The following HSPA13 variants were observed in gnomAD, a reference collection of about 807,000 sequenced individuals.
The protein encoded by HSPA13 is heat shock 70 kDa protein 13.
A neutral mutation model predicts 38.8 loss-of-function variants in HSPA13; 29 were observed. That is an observed-to-expected ratio of 0.75 (90% CI 0.56 to 1.02). HSPA13 has a LOEUF of 1.02. Ranked by LOEUF, HSPA13 falls within the 50% of genes least tolerant of loss-of-function variation. The pLI is 0.00. For synonymous variants in HSPA13, 192 were observed against 205.3 expected (o/e 0.94, Z 0.56); for missense variants, 451 against 560.9 (o/e 0.80, Z 1.98).
chr21:14,376,941 G>A (rs1984042178), intron 3 of HSPA13, among the ~76,000 whole-genome samples: 1 of 152,108 alleles, frequency 6.6e-6, no homozygotes, highest in Non-Finnish European at 1.5e-5. Flanking sequence ...CTTCATAGTG[G>A]TTACTTTCTG....
chr21:14,373,660 A>G lies in HSPA13; in HGVS notation c.1373T>C (p.Leu458Ser). 1 of 1,612,984 alleles carries G rather than the reference A, an allele frequency of 6.2e-7. No homozygotes were observed. The highest frequency in any genetic ancestry group is 8.5e-7 in the Non-Finnish European group (1 of 1,179,782). The change falls in exon 5 of 5, where the codon TTA becomes TCA. Residue 458 changes from leucine (L) to serine (S), a missense_variant. By Grantham distance (145) the Leu-to-Ser change is moderately radical. Coordinates refer to ENST00000285667, the MANE Select transcript of HSPA13 (RefSeq NM_006948.5). ...GGSWPLQVSA[L>S]EIPNKHLQKT... The stretch of plus-strand genomic sequence containing the variant: ...TTGTAAATGCTTATTGGGAATTTCT[A>G]AAGCACTGACTTGGAGAGGCCAAGA...
At chr21:14,377,415 T>C (rs1437022794) in intron 3 of HSPA13, among the ~76,000 whole-genome samples, 1 of 152,244 alleles carries the variant, frequency 6.6e-6, no homozygotes, top group Non-Finnish European at 1.5e-5. Flanking sequence ...CCATTTTCTC[T>C]TTGAGCCTTT....
chr21:14,375,491 AT>A (rs34202425), intron 4 of HSPA13, among the ~76,000 whole-genome samples, 160 bp downstream of exon 4: 16,161 of 128,404 alleles, frequency 0.13, 1,068 homozygotes, highest in Non-Finnish European at 0.15. Flanking sequence ...TTTTTCTGTA[AT>A]TTTTTTTTTT....
At chr21:14,383,049 A>C in intron 1 of HSPA13, 46 bp downstream of exon 1, 1 of 1,612,366 alleles carries the variant, frequency 6.2e-7, no homozygotes, top group South Asian at 1.1e-5. Flanking sequence ...GCATCCTCAG[A>C]TCGCCTCTAC....
intron 1 of HSPA13, 59 bp downstream of exon 1, chr21:14,383,036 C>G: frequency 1.2e-6 from 2 of 1,603,100 alleles, no homozygotes; most frequent in Non-Finnish European, 1.7e-6. Flanking sequence ...CCTGCCCACT[C>G]TGGCATCCTC....
rs147718827 is a variant in HSPA13 at position 14,375,153 on chromosome 21, A to G, written c.748+499T>C. Among the ~76,000 whole-genome samples the G allele has an allele frequency of 2.5e-3, 374 of 152,354 alleles. 2 individuals are homozygous for G. The highest frequency in any genetic ancestry group is 4.5e-3 in the Non-Finnish European group (303 of 68,018). On this transcript the variant is annotated intron_variant, in intron 4 of 4. Coordinates refer to ENST00000285667, the MANE Select transcript of HSPA13 (RefSeq NM_006948.5). ...GACTTTCTAAAGACATCTACTTTAT[A>G]AAACATATTAAATGAAATATACTGA...
Position 14,374,157 on chromosome 21 carries a change from C to T in HSPA13, c.876G>A (p.Val292=). 6.2e-7 allele frequency: 1 copy of T among 1,613,988 alleles called. No homozygotes were observed. Among genetic ancestry groups the T allele is most frequent in the East Asian group, 2.2e-5 (1 of 44,874 alleles). The change falls in exon 5 of 5, where the codon GTG becomes GTA. Residue 292 remains valine, a synonymous_variant. Transcript: ENST00000285667. ...GAGTCAGATTTAATTTGACCATTTCCACAGCTTGTCTCAATCTGTGGATTT... is the reference window on the plus strand; with the variant it reads ...GAGTCAGATTTAATTTGACCATTTCTACAGCTTGTCTCAATCTGTGGATTT... ...KEEIHRLRQA[V]EMVKLNLTLH...
chr21:14,380,204 G>C (rs1984132731), intron 2 of HSPA13, among the ~76,000 whole-genome samples: 1 of 150,646 alleles, frequency 6.6e-6, no homozygotes, highest in East Asian at 1.9e-4. Context: ...GGATGGGATA[G>C]GCTACAGTAA....
intron 1 of HSPA13, among the ~76,000 whole-genome samples, chr21:14,382,498 C>T (rs963075971): frequency 6.6e-6 from 1 of 152,046 alleles, no homozygotes; most frequent in Non-Finnish European, 1.5e-5. Context: ...CTCTGTGTTA[C>T]TAATTGTTAG....
At position 14,373,976 on chromosome 21, in the gene HSPA13, T is replaced by C; in HGVS notation, c.1057A>G (p.Lys353Glu). ...SGFGRGLSDK[K>E]SGESQVLFET... ...AATAAAACCTGACTTTCTCCACTTT[T>C]CTTATCAGAAAGGCCACGTCCAAAC... The change falls in exon 5 of 5, where the codon AAA (lysine) becomes GAA (glutamate). Residue 353 changes from lysine (K) to glutamate (E), a missense_variant. Coordinates refer to ENST00000285667, the MANE Select transcript of HSPA13 (RefSeq NM_006948.5). 1 of 1,614,184 alleles carries C rather than the reference T, an allele frequency of 6.2e-7. No individual in the cohort carries two copies. Among genetic ancestry groups the C allele is most frequent in the Non-Finnish European group, 8.5e-7 (1 of 1,180,034 alleles).
At position 14,383,084 on chromosome 21, in the gene HSPA13, C is replaced by A; in HGVS notation, c.25+11G>T. The A allele has an allele frequency of 6.2e-7, 1 of 1,614,122 alleles. No individual in the cohort carries two copies. The highest frequency in any genetic ancestry group is 8.5e-7 in the Non-Finnish European group (1 of 1,179,996). On this transcript the variant is annotated intron_variant, in intron 1 of 4. Coordinates refer to ENST00000285667, the MANE Select transcript of HSPA13 (RefSeq NM_006948.5). The stretch of plus-strand genomic sequence containing the variant: ...CGCCCGCAAGAGCAACAAGGACCCC[C>A]GGGAACCCACCTAAGATCGTCATCT...
Position 14,378,335 on chromosome 21 carries a change from G to A in HSPA13, c.444C>T (p.Gly148=). The A allele has an allele frequency of 6.2e-7, 1 of 1,613,988 alleles. No homozygotes were observed. The highest frequency in any genetic ancestry group is 1.7e-5 in the Admixed American group (1 of 60,004). ...ETITVSPEYV[G]SRLLLKLKEM... is the part of the protein sequence containing the mutation. ...CCTTTAACTTCAACAATAGTCGAGA[G>A]CCAACATATTCTGGGGACACTGTGA... Residue 148 remains glycine (G), a synonymous_variant, in exon 3 of 5, where the codon GGC becomes GGT. Transcript: ENST00000285667.
chr21:14,382,967 T>G (rs997440613), intron 1 of HSPA13, 128 bp downstream of exon 1: 1 of 1,155,268 alleles, frequency 8.7e-7, no homozygotes, highest in African/African-American at 1.5e-5. Context: ...CGTCTCTAAG[T>G]CACCTTTCTG....
chr21:14,378,960 G>A (rs1220832037), intron 2 of HSPA13, among the ~76,000 whole-genome samples: 4 of 151,852 alleles, frequency 2.6e-5, no homozygotes, highest in Non-Finnish European at 4.4e-5. Context: ...TCATCACCAC[G>A]CACATGACTA....
chr21:14,375,777 G>A lies in HSPA13; in HGVS notation c.623C>T (p.Ala208Val), dbSNP rs770865876. 33 of 1,613,862 alleles carry A rather than the reference G, an allele frequency of 2.0e-5. No individual in the cohort carries two copies. Among genetic ancestry groups the A allele is most frequent in the Non-Finnish European group, 2.7e-5 (32 of 1,179,910 alleles). ...AGCCTTGTGGAGACCATAGGCCATA[G>A]CTGCTGCTGTGGGTTCATTTATTAC... ...LRVINEPTAA[A>V]MAYGLHKADV... Residue 208 changes from alanine to valine, a missense_variant, in exon 4 of 5, where the codon GCT becomes GTT. Ala to Val is a moderately conservative substitution (Grantham distance 64). Coordinates refer to ENST00000285667, the MANE Select transcript of HSPA13 (RefSeq NM_006948.5).
intron 2 of HSPA13, 46 bp from the exon 3 acceptor site, chr21:14,378,458 G>A: frequency 7.9e-7 from 1 of 1,263,470 alleles, no homozygotes; most frequent in South Asian, 1.2e-5. Flanking sequence ...AAGAGTAAAA[G>A]CATACAGACA....
chr21:14,375,741 T>A lies in HSPA13; in HGVS notation c.659A>T (p.His220Leu). 6.2e-7 allele frequency: 1 copy of A among 1,614,108 alleles called. No individual in the cohort carries two copies. Among genetic ancestry groups the A allele is most frequent in the Non-Finnish European group, 8.5e-7 (1 of 1,179,954 alleles). The change falls in exon 4 of 5, where the codon CAC becomes CTC. Residue 220 changes from histidine (H) to leucine (L), a missense_variant. His to Leu is a moderately conservative substitution (Grantham distance 99). Coordinates refer to ENST00000285667, the MANE Select transcript of HSPA13 (RefSeq NM_006948.5). ...TCCGCCCAAGTCTATCACCAAGACG[T>A]GGAAGACGTCAGCCTTGTGGAGACC... ...AYGLHKADVF[H>L]VLVIDLGGGT... is the part of the protein sequence containing the mutation.
intron 1 of HSPA13, among the ~76,000 whole-genome samples, chr21:14,382,093 G>C (rs749560991): frequency 2.6e-5 from 4 of 152,222 alleles, no homozygotes; most frequent in Admixed American, 6.5e-5. Flanking sequence ...GATTTTGAAA[G>C]TTCCTTAGAT....
At chr21:14,374,831 T>C (rs554917623) in intron 4 of HSPA13, among the ~76,000 whole-genome samples, 19 of 152,334 alleles carry the variant, frequency 1.2e-4, no homozygotes, top group African/African-American at 2.6e-4. Flanking sequence ...AGGTATTTAA[T>C]CTCTTTTTTT....
Sources: allele counts gnomAD v4.1 joint callset (sites outside exome capture counted in the v4.1 genomes callset), GRCh38; gene constraint gnomAD v4.1.1; transcripts MANE v1.5; gene names NCBI Gene and HGNC (gene_info 2026-07-23, HGNC 2026-07-21).